Variants in ZNF236 observed in about 807,000 individuals in gnomAD.
ZNF236 encodes the protein zinc finger protein 236.
Under a neutral mutation model 191.2 loss-of-function variants are expected in ZNF236, and 50 were observed. That is an observed-to-expected ratio of 0.26 (90% CI 0.21 to 0.33). The LOEUF is 0.33. ZNF236 is among the 10% of genes least tolerant of loss of function. The probability of loss-of-function intolerance (pLI) is 1.00; values close to 1 mark genes in which losing one functional copy is unlikely to be tolerated. For missense variants in ZNF236, 1,754 were observed against 2,374.5 expected (o/e 0.74, Z 5.43); for synonymous variants, 907 against 928.8 (o/e 0.98, Z 0.43).
rs1270045356 is a variant in ZNF236 at position 76,968,738 on chromosome 18, A to C, written c.*399A>C. ...ATTTTCCTTCATGTTTCTGGTTATA[A>C]GAAGCATAGCTTACAAAGCAAGCGT... On this transcript the variant is annotated 3_prime_UTR_variant, in exon 31 of 31. Coordinates refer to ENST00000320610, the MANE Select transcript of ZNF236 (RefSeq NM_001306089.2). 1.0e-6 allele frequency: 1 copy of C among 1,000,322 alleles called. No individual in the cohort carries two copies. Among genetic ancestry groups the C allele is most frequent in the Non-Finnish European group, 1.2e-6 (1 of 840,100 alleles). The allele number at this position is 1,000,322 out of a possible 1,614,324, so 62.0% of individuals were successfully genotyped here. A position where few individuals can be genotyped will look rare whatever the true frequency, so the allele number is the denominator to read the frequency against.
Position 76,936,470 on chromosome 18 carries a change from C to T in ZNF236, c.4595-686C>T, listed in dbSNP as rs769040911. On this transcript the variant is annotated intron_variant, in intron 25 of 30. Transcript: ENST00000320610. ...AAGCCCTTTCTTCACCAGATACTTT[C>T]GTTTCTCTTAGTATCGGCTGCAAGG... 1.5e-3 allele frequency: 695 copies of T among 452,428 alleles called. 19 individuals are homozygous for T. Among genetic ancestry groups the T allele is most frequent in the Non-Finnish European group, 3.4e-4 (76 of 225,798 alleles). 28.0% of individuals were successfully genotyped at this position (452,428 alleles called of 1,614,324 possible). A position where few individuals can be genotyped will look rare whatever the true frequency, so the allele number is the denominator to read the frequency against.
intron 7 of ZNF236, among the ~76,000 whole-genome samples, chr18:76,878,995 T>C (rs1027009903): frequency 7.2e-5 from 11 of 152,222 alleles, no homozygotes; most frequent in African/African-American, 2.7e-4. Flanking sequence ...CTTGACCAGG[T>C]AGAATGTTGT....
At chr18:76,939,650 A>G (rs548753243) in intron 26 of ZNF236, among the ~76,000 whole-genome samples, 3 of 152,056 alleles carry the variant, frequency 2.0e-5, no homozygotes, top group Non-Finnish European at 4.4e-5. Context: ...TGCTGCTAAG[A>G]TGTTGTTTTT....
intron 18 of ZNF236, among the ~76,000 whole-genome samples, chr18:76,915,047 C>T (rs989736369): frequency 3.9e-5 from 6 of 152,130 alleles, no homozygotes; most frequent in African/African-American, 9.6e-5. Flanking sequence ...GGACATGCTA[C>T]GGAGGCAGAG....
At chr18:76,844,920 T>C (rs1349364001) in intron 1 of ZNF236, among the ~76,000 whole-genome samples, 1 of 152,228 alleles carries the variant, frequency 6.6e-6, no homozygotes, top group Non-Finnish European at 1.5e-5. Context: ...AGTCATGGAA[T>C]AGCAGGATTA....
chr18:76,845,224 A>G (rs1462274195), intron 1 of ZNF236, among the ~76,000 whole-genome samples: 1 of 152,164 alleles, frequency 6.6e-6, no homozygotes, highest in East Asian at 1.9e-4. Context: ...TTGGTAGCAG[A>G]AAGGGTGAAT....
In ZNF236 at chr18:76,965,637, A is replaced by G. The variant is rs372076055; in HGVS notation, c.5420-2578A>G. Among the ~76,000 whole-genome samples, 15 of 152,192 alleles carry G rather than the reference A, an allele frequency of 9.9e-5. 1 individual carries two copies. Among genetic ancestry groups the G allele is most frequent in the East Asian group, 5.8e-4 (3 of 5,198 alleles). On this transcript the variant is annotated intron_variant, in intron 30 of 30. Coordinates refer to ENST00000320610, the MANE Select transcript of ZNF236 (RefSeq NM_001306089.2). ...GCTGTGGCTCCCTGAGAACAGAGCTATAGTGATTGTTACCTTTATTCTTGG... is the reference window on the plus strand; with the variant it reads ...GCTGTGGCTCCCTGAGAACAGAGCTGTAGTGATTGTTACCTTTATTCTTGG...
At chr18:76,885,836 C>A (rs1977033498) in intron 9 of ZNF236, 1 of 152,268 alleles carries the variant, frequency 6.6e-6, no homozygotes, top group Non-Finnish European at 1.5e-5. Context: ...GGGACCTCTG[C>A]TTCTGAGCAT....
At chr18:76,848,504 A>G (rs1384220826) in intron 1 of ZNF236, among the ~76,000 whole-genome samples, 1 of 152,104 alleles carries the variant, frequency 6.6e-6, no homozygotes, top group Non-Finnish European at 1.5e-5. Flanking sequence ...TTATTCTGTG[A>G]TATGTTATTT....
At chr18:76,965,920 CA>C (rs1968762438) in intron 30 of ZNF236, among the ~76,000 whole-genome samples, 1 of 152,196 alleles carries the variant, frequency 6.6e-6, no homozygotes, top group African/African-American at 2.4e-5. Context: ...TAGGGAGGAA[CA>C]GGTGGTGGGC....
chr18:76,844,411 G>A (rs530111166), intron 1 of ZNF236, among the ~76,000 whole-genome samples: 4 of 152,146 alleles, frequency 2.6e-5, no homozygotes, highest in Admixed American at 6.5e-5. Flanking sequence ...GGGGGCTGTT[G>A]TCTTAGAGGA....
intron 1 of ZNF236, chr18:76,834,534 CAGTTTTAGCCT>C: frequency 2.0e-6 from 1 of 489,206 alleles, no homozygotes; most frequent in Non-Finnish European, 4.0e-6. Flanking sequence ...GGTCTTTGTC[CAGTTTTAGCCT>C]AGTGATAACC....
chr18:76,930,097 A>G (rs958181998), intron 25 of ZNF236, among the ~76,000 whole-genome samples: 2 of 152,222 alleles, frequency 1.3e-5, no homozygotes, highest in Non-Finnish European at 2.9e-5. Context: ...AAGGTATATA[A>G]AATTGGGAAC....
chr18:76,910,199 A>G (rs985210600), intron 15 of ZNF236, 30 bp downstream of exon 15: 1 of 1,561,156 alleles, frequency 6.4e-7, no homozygotes, highest in Non-Finnish European at 8.8e-7. Context: ...TGAAATTTGT[A>G]AGTGAGCTAT....
chr18:76,877,380 C>T (rs559866539), intron 6 of ZNF236, among the ~76,000 whole-genome samples: 9 of 151,982 alleles, frequency 5.9e-5, no homozygotes, highest in East Asian at 3.9e-4. Flanking sequence ...CGATGGCAGG[C>T]GCCTGTAATC....
chr18:76,868,969 G>A, intron 4 of ZNF236, 106 bp downstream of exon 4: 1 of 1,086,398 alleles, frequency 9.2e-7, no homozygotes, highest in African/African-American at 1.6e-5. Flanking sequence ...ACCCAGCAAA[G>A]TGGAACCCCA....
Position 76,927,472 on chromosome 18 carries a change from G to C in ZNF236, c.4369G>C (p.Gly1457Arg), listed in dbSNP as rs764194413. ...PTVTSANLTI[G>R]PLSEQDSVLT... ...AGTGACCTCTGCGAACCTGACCATAGGCCCGCTGTCTGAGCAGGATTCAGT... is the reference window on the plus strand; with the variant it reads ...AGTGACCTCTGCGAACCTGACCATACGCCCGCTGTCTGAGCAGGATTCAGT... Residue 1457 changes from glycine to arginine, a missense_variant, in exon 24 of 31, where the codon GGC (glycine) becomes CGC (arginine). Physicochemically the swap from Gly to Arg is moderately radical, Grantham distance 125 (BLOSUM62 -2). Around this residue, in one of 5 missense-constraint regions of ZNF236, gnomAD observed 606 missense variants for 761.5 expected, o/e 0.80. Transcript: ENST00000320610. The surrounding 1 kb of genome is among the most constrained non-coding windows in gnomAD (Gnocchi z 5.4). 1 of 1,614,174 alleles carries C rather than the reference G, an allele frequency of 6.2e-7. No homozygotes were observed. The highest frequency in any genetic ancestry group is 8.5e-7 in the Non-Finnish European group (1 of 1,180,044).
chr18:76,845,541 T>C (rs1975647884), intron 1 of ZNF236, among the ~76,000 whole-genome samples: 1 of 152,114 alleles, frequency 6.6e-6, no homozygotes, highest in Admixed American at 6.5e-5. Context: ...GTCCTTCTTT[T>C]AGCTGTCTTT....
At chr18:76,854,572 A>G (rs1011680795) in intron 3 of ZNF236, among the ~76,000 whole-genome samples, 4 of 132,840 alleles carry the variant, frequency 3.0e-5, no homozygotes, top group African/African-American at 1.2e-4. Context: ...TGGGCAACAT[A>G]GACTGTCACT....
Sources: allele counts gnomAD v4.1 joint callset (sites outside exome capture counted in the v4.1 genomes callset), GRCh38; gene constraint gnomAD v4.1.1; regional missense constraint gnomAD v4.1.1; non-coding constraint Gnocchi (gnomAD v3.1); transcripts MANE v1.5; gene names NCBI Gene and HGNC (gene_info 2026-07-23, HGNC 2026-07-21).